Variants in CABLES1 observed in about 807,000 individuals in gnomAD.
CABLES1 encodes the protein Cdk5 and Abl enzyme substrate 1, also known as CDK5 and ABL1 enzyme substrate 1.
Under a neutral mutation model 57.8 loss-of-function variants are expected in CABLES1, and 36 were observed. The ratio of observed to expected loss-of-function variants is 0.62; its 90% CI spans 0.48 to 0.82. The LOEUF (loss-of-function observed/expected upper bound fraction) is 0.82. CABLES1 is among the 40% of genes least tolerant of loss of function. The pLI, the probability that CABLES1 is intolerant of heterozygous loss-of-function variation, is 0.00. For synonymous variants in CABLES1, 374 were observed against 363.0 expected (o/e 1.03, Z -0.35); for missense variants, 767 against 836.6 (o/e 0.92, Z 1.03).
intron 1 of CABLES1, among the ~76,000 whole-genome samples, chr18:23,153,159 A>T (rs1298557473): frequency 1.3e-5 from 2 of 151,750 alleles, no homozygotes; most frequent in African/African-American, 4.8e-5. Context: ...GTAGCGGCAT[A>T]ACCTTGGCTC....
chr18:23,213,879 A>C lies in CABLES1; in HGVS notation c.1011-98A>C. 5.4e-6 allele frequency: 4 copies of C among 745,162 alleles called. No homozygotes were observed. In the South Asian group the frequency reaches 7.1e-5, roughly 13 times the overall value. The allele number at this position is 745,162 out of a possible 1,614,324, so 46.2% of individuals were successfully genotyped here. On this transcript the variant is annotated intron_variant, in intron 3 of 9. Transcript: ENST00000256925. Reference sequence around the variant, plus strand: ...GTGGTGGGAGCGTGCAAATACTGCTATGAATGCCATGAATGCTTAATTGCT... The same window carrying C: ...GTGGTGGGAGCGTGCAAATACTGCTCTGAATGCCATGAATGCTTAATTGCT...
chr18:23,231,497 C>T (rs773816536), intron 4 of CABLES1, among the ~76,000 whole-genome samples: 1 of 152,160 alleles, frequency 6.6e-6, no homozygotes, highest in African/African-American at 2.4e-5. Context: ...TATTTTCTTA[C>T]TCGGCTTAGC....
intron 2 of CABLES1, among the ~76,000 whole-genome samples, chr18:23,192,320 C>A (rs2145022075): frequency 6.6e-6 from 1 of 152,398 alleles, no homozygotes; most frequent in African/African-American, 2.4e-5. Flanking sequence ...GTGGCCGCAG[C>A]TGTTAAAGTG....
At chr18:23,218,348 CCTCCCGCATCCTCACTTGCCCTGG>C (rs2047458521) in intron 4 of CABLES1, among the ~76,000 whole-genome samples, 3 of 44,190 alleles carry the variant, frequency 6.8e-5, no homozygotes, top group African/African-American at 1.8e-4. Flanking sequence ...ACTTGCCCTG[CCTCCCGCATCCTCACTTGCCCTGG>C]CTCCCGCATC....
At chr18:23,256,429 T>C (rs2048167379) in intron 9 of CABLES1, among the ~76,000 whole-genome samples, 1 of 152,226 alleles carries the variant, frequency 6.6e-6, no homozygotes, top group Non-Finnish European at 1.5e-5. Flanking sequence ...ATCAGTGCAC[T>C]CCCTTCTGAA....
intron 1 of CABLES1, among the ~76,000 whole-genome samples, chr18:23,153,153 C>T (rs879798650): frequency 4.0e-5 from 6 of 151,580 alleles, no homozygotes; most frequent in Admixed American, 1.3e-4. Context: ...TGGAGTGTAG[C>T]GGCATAACCT....
intron 1 of CABLES1, among the ~76,000 whole-genome samples, chr18:23,154,533 G>A (rs1365487686): frequency 6.6e-6 from 1 of 152,208 alleles, no homozygotes; most frequent in Non-Finnish European, 1.5e-5. Context: ...TAGTGTGACT[G>A]CGAAGAGCAA....
At chr18:23,169,015 A>G (rs1392471786) in intron 1 of CABLES1, among the ~76,000 whole-genome samples, 1 of 152,232 alleles carries the variant, frequency 6.6e-6, no homozygotes. Context: ...ACAGGTCAGA[A>G]AGACCTTGCT....
chr18:23,206,951 C>T (rs949915725), intron 3 of CABLES1, among the ~76,000 whole-genome samples: 2 of 151,962 alleles, frequency 1.3e-5, no homozygotes, highest in Non-Finnish European at 2.9e-5. Context: ...GCTGGGACTA[C>T]AGGCGTGTGC....
chr18:23,225,419 T>C (rs538151300), intron 4 of CABLES1, among the ~76,000 whole-genome samples: 6 of 152,240 alleles, frequency 3.9e-5, no homozygotes, highest in African/African-American at 1.4e-4. Context: ...CATTTTGGTC[T>C]ATTTCCTTCC....
upstream of CABLES1, chr18:23,134,669 G>A (rs2046804249): frequency 6.6e-6 from 1 of 152,238 alleles, no homozygotes. Context: ...GGGGAAAAGA[G>A]TGTAAGGTCA....
chr18:23,178,414 G>A (rs913667180), intron 1 of CABLES1, among the ~76,000 whole-genome samples: 3 of 152,162 alleles, frequency 2.0e-5, no homozygotes, highest in African/African-American at 4.8e-5. Context: ...GCTGTCCAGG[G>A]ACCCTGGGCT....
Position 23,135,981 on chromosome 18 carries a change from G to T in CABLES1, c.219G>T (p.Ser73=). Residue 73 remains serine (S), a synonymous_variant, in exon 1 of 10, where the codon TCG becomes TCT. Coordinates refer to ENST00000256925, the MANE Select transcript of CABLES1 (RefSeq NM_001100619.3). The part of the protein sequence containing the change: ...QAALSFLTNI[S]LDGRLPPQDA... ...CCCTCTCCTTCCTCACCAACATCTC[G>T]CTGGACGGCCGGCTGCCGCCGCAGG... The T allele has an allele frequency of 8.8e-7, 1 of 1,138,746 alleles. No homozygotes were observed. Among genetic ancestry groups the T allele is most frequent in the Non-Finnish European group, 1.1e-6 (1 of 928,230 alleles). 70.5% of individuals were successfully genotyped at this position (1,138,746 alleles called of 1,614,324 possible).
Position 23,237,161 on chromosome 18 carries a change from T to C in CABLES1, c.1362T>C (p.Phe454=), listed in dbSNP as rs2047625190. The change falls in exon 7 of 10, where the codon TTT becomes TTC. Residue 454 remains phenylalanine (F), a synonymous_variant. Coordinates refer to ENST00000256925, the MANE Select transcript of CABLES1 (RefSeq NM_001100619.3). ...CTTCAGGTAGTGACCTGGGAGACTT[T>C]ATGGACTATGACCCAAATCTCTTGG... ...SLDTGSDLGD[F]MDYDPNLLDD... The C allele has an allele frequency of 6.2e-7, 1 of 1,612,564 alleles. No individual in the cohort carries two copies. Among genetic ancestry groups the C allele is most frequent in the Non-Finnish European group, 8.5e-7 (1 of 1,178,666 alleles).
At chr18:23,161,419 A>C (rs1043270644) in intron 1 of CABLES1, among the ~76,000 whole-genome samples, 1 of 151,254 alleles carries the variant, frequency 6.6e-6, no homozygotes, top group Non-Finnish European at 1.5e-5. Flanking sequence ...ATCTGTAATC[A>C]CATCACTGAT....
intron 1 of CABLES1, among the ~76,000 whole-genome samples, chr18:23,144,085 C>T (rs1315522656): frequency 6.6e-6 from 1 of 152,246 alleles, no homozygotes; most frequent in Non-Finnish European, 1.5e-5. Flanking sequence ...ACAAGAGGCC[C>T]CTTCCTTCCA....
intron 4 of CABLES1, among the ~76,000 whole-genome samples, chr18:23,218,906 C>G (rs1217308719): frequency 6.6e-6 from 1 of 152,192 alleles, no homozygotes; most frequent in Non-Finnish European, 1.5e-5. Flanking sequence ...AGTTACCAAT[C>G]CCAAGACAAT....
chr18:23,200,756 A>G (rs1598826280), intron 3 of CABLES1, among the ~76,000 whole-genome samples: 1 of 152,232 alleles, frequency 6.6e-6, no homozygotes, highest in African/African-American at 2.4e-5. Flanking sequence ...GACATTGCAT[A>G]TCTAGATTGC....
At position 23,246,441 on chromosome 18, in the gene CABLES1, A is replaced by G. The variant is rs550816604; in HGVS notation, c.1447-6519A>G. Among the ~76,000 whole-genome samples, 205 of 151,706 alleles carry G rather than the reference A, an allele frequency of 1.4e-3. 1 individual carries two copies. The highest frequency in any genetic ancestry group is 3.9e-3 in the Admixed American group (60 of 15,232). ...GAGTCTTGCTCTGTCGCCCAGGCTGAAGTGCAGTGGCAAGATCTTGGCTCA... is the reference window on the plus strand; with the variant it reads ...GAGTCTTGCTCTGTCGCCCAGGCTGGAGTGCAGTGGCAAGATCTTGGCTCA... On this transcript the variant is annotated intron_variant, in intron 7 of 9. Coordinates refer to ENST00000256925, the MANE Select transcript of CABLES1 (RefSeq NM_001100619.3).
Sources: allele counts gnomAD v4.1 joint callset (sites outside exome capture counted in the v4.1 genomes callset), GRCh38; gene constraint gnomAD v4.1.1; transcripts MANE v1.5; gene names NCBI Gene and HGNC (gene_info 2026-07-23, HGNC 2026-07-21).